Variants in STXBP5L observed in about 807,000 individuals in gnomAD.
STXBP5L encodes the protein syntaxin-binding protein 5-like.
Under a neutral mutation model 144.5 loss-of-function variants are expected in STXBP5L, and 65 were observed. That is an observed-to-expected ratio of 0.45 (90% confidence interval 0.37 to 0.55). The LOEUF (loss-of-function observed/expected upper bound fraction) is 0.55. STXBP5L is among the 20% of genes least tolerant of loss of function. The pLI, the probability that STXBP5L is intolerant of heterozygous loss-of-function variation, is 0.00. For synonymous variants in STXBP5L, 505 were observed against 469.6 expected (o/e 1.08, Z -0.97); for missense variants, 1,298 against 1,405.5 (o/e 0.92, Z 1.22).
intron 5 of STXBP5L, among the ~76,000 whole-genome samples, chr3:121,048,935 G>C (rs985725692): frequency 3.3e-5 from 5 of 152,110 alleles, no homozygotes; most frequent in African/African-American, 1.2e-4. Context: ...CTAGAGGTTT[G>C]TATCGGTCCC....
intron 7 of STXBP5L, among the ~76,000 whole-genome samples, chr3:121,144,923 A>T (rs1471845447): frequency 6.6e-6 from 1 of 151,982 alleles, no homozygotes; most frequent in Non-Finnish European, 1.5e-5. Context: ...CAGATTCTTC[A>T]CTATTCAACT....
At chr3:120,975,369 C>A (rs1559936135) in intron 3 of STXBP5L, among the ~76,000 whole-genome samples, 1 of 152,112 alleles carries the variant, frequency 6.6e-6, no homozygotes, top group African/African-American at 2.4e-5. Flanking sequence ...TATAAGAATG[C>A]TTGTGATTTT....
At chr3:120,992,429 A>T (rs1030564797) in intron 3 of STXBP5L, among the ~76,000 whole-genome samples, 1 of 152,082 alleles carries the variant, frequency 6.6e-6, no homozygotes, top group Non-Finnish European at 1.5e-5. Context: ...TGTACCCATT[A>T]ACTAACCTCT....
chr3:121,041,132 T>C (rs1947122768), intron 3 of STXBP5L, among the ~76,000 whole-genome samples: 2 of 151,998 alleles, frequency 1.3e-5, no homozygotes, highest in Admixed American at 6.6e-5. Context: ...ATGTAGCATA[T>C]GTAGATGACT....
intron 20 of STXBP5L, among the ~76,000 whole-genome samples, chr3:121,365,609 G>A (rs1379394122): frequency 6.6e-6 from 1 of 151,570 alleles, no homozygotes; most frequent in African/African-American, 2.4e-5. Flanking sequence ...CGTAGAATCA[G>A]CAATAATGTC....
At chr3:121,211,456 A>G (rs1051153892) in intron 10 of STXBP5L, among the ~76,000 whole-genome samples, 3 of 152,138 alleles carry the variant, frequency 2.0e-5, no homozygotes, top group African/African-American at 7.2e-5. Context: ...CAGAACCTCC[A>G]ACACTATGTT....
At chr3:120,959,977 A>G (rs1938562721) in intron 3 of STXBP5L, among the ~76,000 whole-genome samples, 1 of 152,322 alleles carries the variant, frequency 6.6e-6, no homozygotes, top group South Asian at 2.1e-4. Context: ...CAACCTATAG[A>G]ATGGAAGAAA....
intron 14 of STXBP5L, among the ~76,000 whole-genome samples, chr3:121,246,725 C>T (rs2049865324): frequency 6.6e-6 from 1 of 152,004 alleles, no homozygotes; most frequent in Non-Finnish European, 1.5e-5. Context: ...AGAGCATATC[C>T]ATACAATGGA....
At chr3:121,125,040 G>A (rs572317361) in intron 7 of STXBP5L, among the ~76,000 whole-genome samples, 10 of 152,192 alleles carry the variant, frequency 6.6e-5, no homozygotes, top group Non-Finnish European at 1.2e-4. Flanking sequence ...GTTGAATTAT[G>A]TTAATAGATT....
intron 20 of STXBP5L, among the ~76,000 whole-genome samples, chr3:121,368,815 C>T (rs902151985): frequency 6.6e-6 from 1 of 151,976 alleles, no homozygotes; most frequent in Non-Finnish European, 1.5e-5. Context: ...TTCTTAATGT[C>T]TAATTCTTTA....
At chr3:121,395,616 G>C (rs932626145) in intron 22 of STXBP5L, among the ~76,000 whole-genome samples, 1 of 152,168 alleles carries the variant, frequency 6.6e-6, no homozygotes, top group Non-Finnish European at 1.5e-5. Context: ...CTGCATCATA[G>C]AGTGATTACA....
intron 19 of STXBP5L, among the ~76,000 whole-genome samples, chr3:121,295,470 CT>C (rs1432757905): frequency 6.6e-6 from 1 of 152,020 alleles, no homozygotes; most frequent in Non-Finnish European, 1.5e-5. Context: ...TACTACAAAG[CT>C]TTATGTTGAA....
intron 9 of STXBP5L, among the ~76,000 whole-genome samples, chr3:121,174,675 T>C (rs941187829): frequency 6.6e-6 from 1 of 152,140 alleles, no homozygotes; most frequent in African/African-American, 2.4e-5. Context: ...AATATGAAGG[T>C]ATAAAGCCCC....
At chr3:121,117,117 TC>T (rs2044264110) in intron 6 of STXBP5L, among the ~76,000 whole-genome samples, 1 of 151,866 alleles carries the variant, frequency 6.6e-6, no homozygotes, top group South Asian at 2.1e-4. Context: ...GTTTATATAG[TC>T]TATACAATTT....
chr3:121,224,009 G>T (rs1346630787), intron 11 of STXBP5L, among the ~76,000 whole-genome samples: 1 of 152,140 alleles, frequency 6.6e-6, no homozygotes, highest in East Asian at 1.9e-4. Flanking sequence ...TATGAGTCAT[G>T]TTACAACAAC....
chr3:121,225,321 T>C (rs528423603), intron 11 of STXBP5L, among the ~76,000 whole-genome samples: 10 of 152,058 alleles, frequency 6.6e-5, no homozygotes, highest in East Asian at 5.8e-4. Flanking sequence ...CGGGGCACAA[T>C]TGGTAGCTCG....
intron 19 of STXBP5L, among the ~76,000 whole-genome samples, chr3:121,304,029 A>AC (rs1260341639): frequency 6.6e-6 from 1 of 151,362 alleles, no homozygotes; most frequent in East Asian, 1.9e-4. Context: ...AAAGTATATA[A>AC]AAAAAAAATA....
chr3:121,095,903 C>T (rs1304020511), intron 5 of STXBP5L, among the ~76,000 whole-genome samples: 2 of 152,088 alleles, frequency 1.3e-5, no homozygotes, highest in East Asian at 3.9e-4. Context: ...TGTTTTTTCC[C>T]CATCTTTGTG....
intron 2 of STXBP5L, among the ~76,000 whole-genome samples, chr3:120,927,227 G>A (rs1031840721): frequency 4.6e-5 from 7 of 152,066 alleles, no homozygotes; most frequent in African/African-American, 1.7e-4. Flanking sequence ...GAGCCACTAC[G>A]CCCAGCCAAT....
Sources: allele counts gnomAD v4.1 joint callset (sites outside exome capture counted in the v4.1 genomes callset), GRCh38; gene constraint gnomAD v4.1.1; transcripts MANE v1.5; gene names NCBI Gene and HGNC (gene_info 2026-07-23, HGNC 2026-07-21).